SPTLC1: variants seen among roughly 807,000 people sequenced by gnomAD.
The protein encoded by SPTLC1 is serine palmitoyltransferase long chain base subunit 1.
A neutral mutation model predicts 68.9 loss-of-function variants in SPTLC1; 55 were observed. The observed-to-expected ratio is 0.80, with a 90% CI of 0.64 to 1.00. The LOEUF (loss-of-function observed/expected upper bound fraction) is 1.00. SPTLC1 is among the 50% of genes least tolerant of loss of function. SPTLC1 has a pLI of 0.00. For synonymous variants in SPTLC1, 197 were observed against 201.6 expected, an observed-to-expected ratio of 0.98 and a Z score of 0.19; for missense variants, 449 against 573.1, an observed-to-expected ratio of 0.78 and a Z score of 2.21.
intron 5 of SPTLC1, among the ~76,000 whole-genome samples, chr9:92,069,012 T>C (rs1834386671): frequency 6.6e-6 from 1 of 152,088 alleles, no homozygotes; most frequent in Admixed American, 6.5e-5. Context: ...CCACAGGCCC[T>C]GTGTGGAGAG....
Position 92,074,162 on chromosome 9 carries a change from G to A in SPTLC1, c.427+5854C>T, listed in dbSNP as rs1320920475. 2.6e-5 allele frequency among the ~76,000 whole-genome samples: 4 copies of A among 152,158 alleles called. No homozygotes were observed. The South Asian group carries it at 6.2e-4, about 24-fold the overall frequency. On this transcript the variant is annotated intron_variant, in intron 5 of 14. Transcript: ENST00000262554. The stretch of plus-strand genomic sequence containing the variant: ...GCTTCGGGTAACTCTTACAGTGGAG[G>A]GTAAGTCCGTCCCCTTCTTAATCGA...
At chr9:92,079,233 G>T in intron 5 of SPTLC1, 1 of 459,580 alleles carries the variant, frequency 2.2e-6, no homozygotes, top group Non-Finnish European at 3.4e-6. Flanking sequence ...CCACCACCAC[G>T]CCCAGCTAAT....
Position 92,031,214 on chromosome 9 carries a change from C to T in SPTLC1, c.*1251G>A, listed in dbSNP as rs1832955943. 6.6e-6 allele frequency: 1 copy of T among 152,524 alleles called. No homozygotes were observed. The highest frequency in any genetic ancestry group is 1.5e-5 in the Non-Finnish European group (1 of 67,992). The allele number at this position is 152,524 out of a possible 1,614,324, so 9.4% of individuals were successfully genotyped here. ...AACCAGACTCATCCCCCAAAGAGTA[C>T]TTTATCCTTTAAAGCAGCAGCAATC... On this transcript the variant is annotated 3_prime_UTR_variant, in exon 15 of 15. Transcript: ENST00000262554.
Position 92,046,000 on chromosome 9 carries a change from C to T in SPTLC1, c.1135G>A (p.Gly379Ser), listed in dbSNP as rs368302897. The T allele has an allele frequency of 6.2e-7, 1 of 1,612,400 alleles. No individual in the cohort carries two copies. The highest frequency in any genetic ancestry group is 8.5e-7 in the Non-Finnish European group (1 of 1,178,908). ...TGGTTGAAAATATATAAAACTCACC[C>T]TTGTAAAGCTTTATGAATTTGTCCG... ...KCGQIHKALQ[G>S]ISGLKVVGES... Residue 379 changes from glycine (G) to serine (S), a missense_variant and splice_region_variant, in exon 12 of 15, where the codon GGC (glycine) becomes AGC (serine). This residue lies in a region of SPTLC1 where 391 missense variants were observed against 472.1 expected (regional missense o/e 0.83). Coordinates refer to ENST00000262554, the MANE Select transcript of SPTLC1 (RefSeq NM_006415.4).
intron 7 of SPTLC1, among the ~76,000 whole-genome samples, chr9:92,057,730 C>T (rs916732247): frequency 2.8e-4 from 43 of 151,994 alleles, no homozygotes; most frequent in African/African-American, 8.5e-4. Flanking sequence ...AAAGTGTTAA[C>T]GACCAGATTA....
At chr9:92,062,683 A>G (rs1025065595) in intron 6 of SPTLC1, among the ~76,000 whole-genome samples, 3 of 152,246 alleles carry the variant, frequency 2.0e-5, no homozygotes, top group African/African-American at 4.8e-5. Context: ...TCAAAGGGAA[A>G]GTGTAAGCTG....
chr9:92,064,457 C>T (rs537130590), intron 6 of SPTLC1, among the ~76,000 whole-genome samples: 1 of 152,306 alleles, frequency 6.6e-6, no homozygotes, highest in African/African-American at 2.4e-5. Flanking sequence ...GTAGTGATAA[C>T]ACCAAATGCT....
rs148031019 is a variant in SPTLC1 at position 92,069,647 on chromosome 9, G to C, written c.428-1549C>G. On this transcript the variant is annotated intron_variant, in intron 5 of 14. Transcript: ENST00000262554. ...AGTAGCTGAGCATGGGTTACTCTTGGGTATGTCTTCCTTCTCATCCTCATT... is the reference window on the plus strand; with the variant it reads ...AGTAGCTGAGCATGGGTTACTCTTGCGTATGTCTTCCTTCTCATCCTCATT... Among the ~76,000 whole-genome samples the C allele has an allele frequency of 9.7e-4, 147 of 152,224 alleles. 1 individual carries two copies. The highest frequency in any genetic ancestry group is 3.3e-3 in the African/African-American group (139 of 41,528).
intron 13 of SPTLC1, among the ~76,000 whole-genome samples, chr9:92,037,536 C>T (rs147221686): frequency 5.3e-5 from 8 of 152,242 alleles, no homozygotes; most frequent in East Asian, 1.9e-4. Context: ...CAGGTTATTC[C>T]GCTGCTCTTC....
rs746021890 is a variant in SPTLC1, at chr9:92,034,862, A to C, written c.1276T>G (p.Leu426Val). The part of the protein sequence containing the change: ...VDQCMNRSIA[L>V]TQARYLEKEE... Reference sequence around the variant, plus strand: ...TTCTCCAAGTAGCGCGCCTGAGTTAATGCAATACTTCTGTTCATGCACTGT... The same window carrying C: ...TTCTCCAAGTAGCGCGCCTGAGTTACTGCAATACTTCTGTTCATGCACTGT... Residue 426 changes from leucine to valine, a missense_variant, in exon 14 of 15, where the codon TTA becomes GTA. Physicochemically the swap from Leu to Val is conservative, Grantham distance 32 (BLOSUM62 1). This residue lies in a region of SPTLC1 where 391 missense variants were observed against 472.1 expected (regional missense o/e 0.83). Coordinates refer to ENST00000262554, the MANE Select transcript of SPTLC1 (RefSeq NM_006415.4). 1 of 1,614,176 alleles carries C rather than the reference A, an allele frequency of 6.2e-7. No individual in the cohort carries two copies. Among genetic ancestry groups the C allele is most frequent in the South Asian group, 1.1e-5 (1 of 91,082 alleles).
chr9:92,059,679 C>T (rs969837767), intron 6 of SPTLC1, among the ~76,000 whole-genome samples: 1 of 152,180 alleles, frequency 6.6e-6, no homozygotes, highest in African/African-American at 2.4e-5. Flanking sequence ...CATTACTCTG[C>T]CATTATTTTG....
At chr9:92,058,143 C>T (rs1833959731) in intron 7 of SPTLC1, among the ~76,000 whole-genome samples, 1 of 152,136 alleles carries the variant, frequency 6.6e-6, no homozygotes, top group Non-Finnish European at 1.5e-5. Context: ...ATAGATTTTT[C>T]TAAATTGTGT....
chr9:92,055,459 A>G lies in SPTLC1; in HGVS notation c.726T>C (p.Ile242=), dbSNP rs146478739. Residue 242 remains isoleucine, a synonymous_variant, in exon 8 of 15, where the codon ATT becomes ATC. Transcript: ENST00000262554. ...TATTCATATACAATCCTTCTACTAC[A>G]ATGAAACGCCGAGTTACACGAGCCT... ...PRKARVTRRF[I]VVEGLYMNTG... 3.1e-6 allele frequency: 5 copies of G among 1,613,760 alleles called. No individual in the cohort carries two copies. In the African/African-American group the frequency reaches 6.7e-5, roughly 22 times the overall value.
At chr9:92,072,237 G>T (rs759358021) in intron 5 of SPTLC1, among the ~76,000 whole-genome samples, 2 of 152,128 alleles carry the variant, frequency 1.3e-5, no homozygotes, top group Non-Finnish European at 2.9e-5. Context: ...CAGGACCTCA[G>T]ACCAGCCCCC....
At position 92,092,237 on chromosome 9, in the gene SPTLC1, AAAGT is replaced by A. The variant is rs547183438; in HGVS notation, c.261-11278_261-11275del. 3.9e-3 allele frequency among the ~76,000 whole-genome samples: 587 copies of A among 152,368 alleles called. 6 individuals carry two copies. Among genetic ancestry groups the A allele is most frequent in the African/African-American group, 0.013 (559 of 41,576 alleles). ...GTGGAACATTTGCAAAATTTACAAT[AAAGT>A]AAGACATAAAGCAAGTGTCAACAAG... On this transcript the variant is annotated intron_variant, in intron 3 of 14. Transcript: ENST00000262554.
chr9:92,106,200 T>C, intron 3 of SPTLC1, among the ~76,000 whole-genome samples: 1 of 152,288 alleles, frequency 6.6e-6, no homozygotes, highest in Admixed American at 6.5e-5. Flanking sequence ...GCCTTGTGTG[T>C]GATCTTTCTG....
At chr9:92,072,092 C>G (rs1163259763) in intron 5 of SPTLC1, among the ~76,000 whole-genome samples, 1 of 152,166 alleles carries the variant, frequency 6.6e-6, no homozygotes, top group African/African-American at 2.4e-5. Context: ...TCACACTTAG[C>G]CTGTTCAGGT....
At chr9:92,042,584 G>A (rs950827332) in intron 12 of SPTLC1, among the ~76,000 whole-genome samples, 3 of 152,170 alleles carry the variant, frequency 2.0e-5, no homozygotes, top group Non-Finnish European at 2.9e-5. Context: ...GGGCTTTATA[G>A]GAATTCCATT....
chr9:92,058,041 A>ATTACT (rs1158013419), intron 7 of SPTLC1, among the ~76,000 whole-genome samples: 1 of 152,252 alleles, frequency 6.6e-6, no homozygotes, highest in African/African-American at 2.4e-5. Context: ...AAAACAGACT[A>ATTACT]GCTTTCTATT....
Sources: allele counts gnomAD v4.1 joint callset (sites outside exome capture counted in the v4.1 genomes callset), GRCh38; gene constraint gnomAD v4.1.1; regional missense constraint gnomAD v4.1.1; transcripts MANE v1.5; gene names NCBI Gene and HGNC (gene_info 2026-07-23, HGNC 2026-07-21).